COL22A1: variants seen among roughly 807,000 people sequenced by gnomAD.
The protein encoded by COL22A1 is collagen alpha-1(XXII) chain.
A neutral mutation model predicts 248.9 loss-of-function variants in COL22A1; 221 were observed. That is an observed-to-expected ratio of 0.89 (90% confidence interval 0.80 to 0.99). The LOEUF is 0.99. Among genes scored for constraint, COL22A1 ranks in the 50% least tolerant of loss-of-function variants. COL22A1 has a pLI of 0.00. For missense variants in COL22A1, 2,240 were observed against 2,179.0 expected, an observed-to-expected ratio of 1.03 and a Z score of -0.56; for synonymous variants, 891 against 793.4, an observed-to-expected ratio of 1.12 and a Z score of -2.07.
At chr8:138,703,387 C>A (rs540047255) in intron 30 of COL22A1, 40 bp from the exon 31 acceptor site, 1 of 1,570,482 alleles carries the variant, frequency 6.4e-7, no homozygotes, top group Non-Finnish European at 8.8e-7. Flanking sequence ...ATTAATCTTC[C>A]TCCCAACTCT....
intron 30 of COL22A1, among the ~76,000 whole-genome samples, chr8:138,708,789 G>A (rs961863718): frequency 2.0e-5 from 3 of 152,238 alleles, no homozygotes; most frequent in Admixed American, 2.0e-4. Context: ...TGACAAATGG[G>A]ATCTCATTAA....
At chr8:138,782,521 G>A (rs181546248) in intron 12 of COL22A1, among the ~76,000 whole-genome samples, 2 of 152,192 alleles carry the variant, frequency 1.3e-5, no homozygotes, top group Admixed American at 6.5e-5. Context: ...AGGCATGGGG[G>A]ATATGGTGGT....
intron 1 of COL22A1, among the ~76,000 whole-genome samples, chr8:138,883,748 C>G (rs1014918479): frequency 6.6e-6 from 1 of 150,846 alleles, no homozygotes; most frequent in African/African-American, 2.4e-5. Flanking sequence ...ATGTAAGAAG[C>G]ACCTGCTTCC....
intron 1 of COL22A1, among the ~76,000 whole-genome samples, chr8:138,912,293 AC>A (rs1815506697): frequency 6.6e-6 from 1 of 152,224 alleles, no homozygotes; most frequent in African/African-American, 2.4e-5. Context: ...CAGGCCTCTA[AC>A]AAAAATGAAG....
intron 16 of COL22A1, among the ~76,000 whole-genome samples, chr8:138,769,404 C>T (rs1237210500): frequency 6.6e-6 from 1 of 152,194 alleles, no homozygotes; most frequent in Non-Finnish European, 1.5e-5. Flanking sequence ...GAATCCATGC[C>T]CTCACCCTGT....
At chr8:138,845,066 C>A (rs1356279922) in intron 3 of COL22A1, among the ~76,000 whole-genome samples, 1 of 151,960 alleles carries the variant, frequency 6.6e-6, no homozygotes, top group Non-Finnish European at 1.5e-5. Flanking sequence ...TTCCATAAGT[C>A]ATCTGATGGA....
At chr8:138,799,584 C>T (rs1816830588) in intron 11 of COL22A1, among the ~76,000 whole-genome samples, 1 of 152,110 alleles carries the variant, frequency 6.6e-6, no homozygotes, top group African/African-American at 2.4e-5. Flanking sequence ...TGGCCTTGGA[C>T]CTGTACATAA....
At chr8:138,737,777 G>C (rs1831238295) in intron 22 of COL22A1, among the ~76,000 whole-genome samples, 200 bp from the exon 23 acceptor site, 2 of 152,076 alleles carry the variant, frequency 1.3e-5, no homozygotes, top group African/African-American at 4.8e-5. Flanking sequence ...CAGCAGTAAG[G>C]CTTGGGATCC....
chr8:138,775,371 G>A (rs149114182), intron 16 of COL22A1, among the ~76,000 whole-genome samples: 4 of 152,276 alleles, frequency 2.6e-5, no homozygotes, highest in African/African-American at 4.8e-5. Flanking sequence ...GAATCCAATC[G>A]GAGAACCCTT....
intron 12 of COL22A1, among the ~76,000 whole-genome samples, chr8:138,796,233 A>G (rs7465128): frequency 0.031 from 4,741 of 152,052 alleles, 153 homozygotes; most frequent in African/African-American, 0.08. Flanking sequence ...GCCTGTGCAT[A>G]TTTTACTGCA....
chr8:138,771,519 G>A (rs547782829), intron 16 of COL22A1, among the ~76,000 whole-genome samples: 37 of 152,250 alleles, frequency 2.4e-4, no homozygotes, highest in Non-Finnish European at 3.4e-4. Flanking sequence ...TGATAAAACC[G>A]CAGTGTTCCT....
intron 32 of COL22A1, among the ~76,000 whole-genome samples, chr8:138,698,015 G>A (rs1241057237): frequency 2.0e-5 from 3 of 152,212 alleles, no homozygotes; most frequent in Non-Finnish European, 2.9e-5. Flanking sequence ...GGTGGAGGGC[G>A]GCACAGGCCC....
intron 3 of COL22A1, among the ~76,000 whole-genome samples, chr8:138,867,352 C>CT (rs1327608696): frequency 6.6e-6 from 1 of 152,208 alleles, no homozygotes; most frequent in Non-Finnish European, 1.5e-5. Context: ...AACTCCCTCT[C>CT]TGTGACGTGG....
chr8:138,727,053 T>C (rs1448809335), intron 23 of COL22A1, among the ~76,000 whole-genome samples: 1 of 151,998 alleles, frequency 6.6e-6, no homozygotes, highest in Non-Finnish European at 1.5e-5. Flanking sequence ...TATATCCAGG[T>C]TCCTGATAGT....
intron 2 of COL22A1, among the ~76,000 whole-genome samples, chr8:138,881,818 G>A (rs1007801406): frequency 1.3e-5 from 2 of 152,204 alleles, no homozygotes; most frequent in African/African-American, 2.4e-5. Context: ...GTGTATCGGG[G>A]ACCCCAGTGT....
At chr8:138,703,187 T>A (rs1828107360) in intron 31 of COL22A1, 119 bp downstream of exon 31, 1 of 872,654 alleles carries the variant, frequency 1.1e-6, no homozygotes, top group Non-Finnish European at 1.9e-6. Flanking sequence ...TAGGCCTAGC[T>A]ATTGGCAAAC....
At chr8:138,633,911 C>T (rs1443714765) in intron 49 of COL22A1, among the ~76,000 whole-genome samples, 1 of 152,146 alleles carries the variant, frequency 6.6e-6, no homozygotes, top group African/African-American at 2.4e-5. Context: ...AGATGTGAGG[C>T]TGAGAAATTA....
chr8:138,649,519 C>T (rs1822501388), intron 46 of COL22A1, 146 bp downstream of exon 46: 1 of 1,365,632 alleles, frequency 7.3e-7, no homozygotes, highest in African/African-American at 1.5e-5. Context: ...ATAGCTGTAT[C>T]TCACAACCCA....
chr8:138,631,264 C>T (rs528853592), intron 49 of COL22A1, among the ~76,000 whole-genome samples: 93 of 152,294 alleles, frequency 6.1e-4, no homozygotes, highest in South Asian at 2.1e-3. Context: ...ACATTCTGTG[C>T]CCCTTCCTAG....
Sources: gnomAD v4.1 joint callset for allele counts (sites outside exome capture counted in the v4.1 genomes callset) on GRCh38, gnomAD v4.1.1 for gene constraint, MANE v1.5 for transcripts, NCBI Gene and HGNC (gene_info 2026-07-23, HGNC 2026-07-21) for gene names.